Variants in NUDC observed in about 807,000 individuals in gnomAD.
NUDC encodes the protein nuclear distribution C, dynein complex regulator.
NUDC carries 14 observed loss-of-function variants against 45.0 expected under a neutral mutation model. The ratio of observed to expected loss-of-function variants is 0.31; its 90% CI spans 0.21 to 0.49. The LOEUF is 0.49. Among genes scored for constraint, NUDC ranks in the 20% least tolerant of loss-of-function variants. The probability of loss-of-function intolerance (pLI) is 0.99; values close to 1 mark genes in which losing one functional copy is unlikely to be tolerated. For missense variants in NUDC, 323 were observed against 426.2 expected (o/e 0.76, Z 2.13); for synonymous variants, 153 against 156.7 (o/e 0.98, Z 0.17).
intron 6 of NUDC, 65 bp downstream of exon 6, chr1:26,943,130 A>T: frequency 6.5e-7 from 1 of 1,546,836 alleles, no homozygotes; most frequent in Non-Finnish European, 8.9e-7. Flanking sequence ...ATGTGTGCTT[A>T]GTTTACTCAG....
intron 2 of NUDC, among the ~76,000 whole-genome samples, chr1:26,908,260 C>T (rs1570709726): frequency 6.6e-6 from 1 of 152,278 alleles, no homozygotes; most frequent in East Asian, 1.9e-4. Flanking sequence ...GTTTCCTCCT[C>T]TTCCCTCACT....
At chr1:26,935,688 GATATC>G (rs989507969) in intron 2 of NUDC, among the ~76,000 whole-genome samples, 6 of 152,072 alleles carry the variant, frequency 3.9e-5, no homozygotes, top group African/African-American at 1.4e-4. Flanking sequence ...AGAACTAGAT[GATATC>G]ATATATCATC....
chr1:26,932,545 A>T (rs1193650918), intron 2 of NUDC, among the ~76,000 whole-genome samples: 1 of 151,666 alleles, frequency 6.6e-6, no homozygotes, highest in Non-Finnish European at 1.5e-5. Context: ...CTGGTCTCTA[A>T]CTCCAGGGCT....
chr1:26,929,718 T>C, intron 2 of NUDC: 1 of 457,024 alleles, frequency 2.2e-6, no homozygotes, highest in Non-Finnish European at 4.4e-6. Flanking sequence ...AAAGAAAAGT[T>C]ACTGTTTAAA....
intron 6 of NUDC, 81 bp downstream of exon 6, chr1:26,943,146 A>G: frequency 7.2e-7 from 1 of 1,386,022 alleles, no homozygotes; most frequent in South Asian, 1.2e-5. Flanking sequence ...CTCAGGAGCC[A>G]TGCTGGGGGC....
chr1:26,930,710 C>CA (rs35636381), intron 2 of NUDC, among the ~76,000 whole-genome samples: 8,668 of 111,590 alleles, frequency 0.078, 294 homozygotes, highest in East Asian at 0.091. Context: ...AACCCTGTCT[C>CA]AAAAAAAAAA....
At chr1:26,911,926 C>G in intron 3 of NUDC, 2 of 1,614,218 alleles carry the variant, frequency 1.2e-6, no homozygotes, top group Non-Finnish European at 1.7e-6. Context: ...GGTCCCCAAG[C>G]AGGCTGGTCG....
In NUDC at chr1:26,934,978, G is replaced by GT. The variant is rs533528265; in HGVS notation, c.160-6473dup. 7.8e-3 allele frequency among the ~76,000 whole-genome samples: 1,143 copies of GT among 147,192 alleles called. 9 individuals carry two copies. Among genetic ancestry groups the GT allele is most frequent in the Non-Finnish European group, 0.012 (820 of 66,602 alleles). ...GGCCAGGACAGGTTTTTTTGTTTTTGTTTTTTGTTTTTTTTTCTTTTGAGA... is the reference window on the plus strand; with the variant it reads ...GGCCAGGACAGGTTTTTTTGTTTTTGTTTTTTTGTTTTTTTTTCTTTTGAGA... On this transcript the variant is annotated intron_variant, in intron 2 of 8. Transcript: ENST00000321265.
At chr1:26,911,993 G>A (rs1361071101) in intron 3 of NUDC, 1 of 1,614,250 alleles carries the variant, frequency 6.2e-7, no homozygotes, top group Admixed American at 1.7e-5. Context: ...GCCTTGGGCT[G>A]CTGGGCACCA....
At chr1:26,913,448 C>T in intron 3 of NUDC, 1 of 1,614,092 alleles carries the variant, frequency 6.2e-7, no homozygotes, top group Non-Finnish European at 8.5e-7. Context: ...CAGGCATATT[C>T]CTTGGGGCTA....
intron 8 of NUDC, 146 bp from the exon 9 acceptor site, chr1:26,945,984 C>T: frequency 1.2e-6 from 1 of 808,542 alleles, no homozygotes; most frequent in East Asian, 2.5e-5. Context: ...TCAAATGCGT[C>T]TCAGATACCC....
intron 2 of NUDC, among the ~76,000 whole-genome samples, chr1:26,936,140 T>C (rs1276104874): frequency 1.8e-3 from 10 of 5,668 alleles, no homozygotes; most frequent in Non-Finnish European, 3.7e-3. Flanking sequence ...GGCTAATATA[T>C]ATATATATAT....
At chr1:26,917,796 G>T (rs1373529121), upstream of NUDC, among the ~76,000 whole-genome samples, 3 of 151,746 alleles carry the variant, frequency 2.0e-5, no homozygotes, top group Non-Finnish European at 2.9e-5. Context: ...TGAGGCAGGA[G>T]AATCGCTTGA....
chr1:26,901,048 G>GA (rs1172834084), intron 1 of NUDC, among the ~76,000 whole-genome samples: 3 of 152,164 alleles, frequency 2.0e-5, no homozygotes, highest in Non-Finnish European at 4.4e-5. Flanking sequence ...CAACATGGTG[G>GA]AACTGAAGCT....
Position 26,923,885 on chromosome 1 carries a change from A to G in NUDC, c.82-204A>G, listed in dbSNP as rs184311938. Reference sequence around the variant, plus strand: ...GCATCACAAGGAAAGTGAAAGGCGCACACACACACAGGATATGAGAAATCT... The same window carrying G: ...GCATCACAAGGAAAGTGAAAGGCGCGCACACACACAGGATATGAGAAATCT... On this transcript the variant is annotated intron_variant, in intron 1 of 8. Transcript: ENST00000321265. 4.1e-4 allele frequency among the ~76,000 whole-genome samples: 62 copies of G among 152,212 alleles called. 1 individual carries two copies. In the South Asian group the frequency reaches 0.012, roughly 28 times the overall value.
chr1:26,927,546 C>T (rs1252885229), intron 2 of NUDC, among the ~76,000 whole-genome samples: 1 of 151,638 alleles, frequency 6.6e-6, no homozygotes, highest in South Asian at 2.1e-4. Context: ...TACAGGCGCC[C>T]GCCCCTATGC....
chr1:26,902,643 G>T (rs968008391), intron 2 of NUDC, among the ~76,000 whole-genome samples: 1 of 152,004 alleles, frequency 6.6e-6, no homozygotes, highest in African/African-American at 2.4e-5. Context: ...TTAGCACGTC[G>T]GGAGGTTGAG....
At chr1:26,932,257 A>G (rs941984378) in intron 2 of NUDC, among the ~76,000 whole-genome samples, 1 of 149,964 alleles carries the variant, frequency 6.7e-6, no homozygotes, top group Non-Finnish European at 1.5e-5. Context: ...GCTCACTGCA[A>G]CCTCTGCCTT....
chr1:26,934,411 C>T (rs2082209743), intron 2 of NUDC, among the ~76,000 whole-genome samples: 1 of 152,172 alleles, frequency 6.6e-6, no homozygotes, highest in African/African-American at 2.4e-5. Flanking sequence ...GTGGGAATTA[C>T]AATTCAAGGT....
Sources: gnomAD v4.1 joint callset for allele counts (sites outside exome capture counted in the v4.1 genomes callset) on GRCh38, gnomAD v4.1.1 for gene constraint, MANE v1.5 for transcripts, NCBI Gene and HGNC (gene_info 2026-07-23, HGNC 2026-07-21) for gene names.